Variants in SOS1 observed in about 807,000 individuals in gnomAD.
SOS1 encodes the protein SOS Ras/Rac guanine nucleotide exchange factor 1, also known as son of sevenless homolog 1.
A neutral mutation model predicts 157.6 loss-of-function variants in SOS1; 25 were observed. The observed-to-expected ratio is 0.16, with a 90% CI of 0.12 to 0.22. SOS1 has a LOEUF of 0.22. Among genes scored for constraint, SOS1 ranks in the 10% least tolerant of loss-of-function variants. SOS1 has a pLI of 1.00. For synonymous variants in SOS1, 528 were observed against 534.0 expected (o/e 0.99, Z 0.16); for missense variants, 1,237 against 1,599.1 (o/e 0.77, Z 3.86).
intron 2 of SOS1, among the ~76,000 whole-genome samples, chr2:39,066,410 T>G (rs1191262277): frequency 6.6e-6 from 1 of 152,234 alleles, no homozygotes; most frequent in Non-Finnish European, 1.5e-5. Flanking sequence ...CAAACGGTCC[T>G]TCATCATTGC....
chr2:39,065,888 A>G (rs981841122), intron 2 of SOS1, among the ~76,000 whole-genome samples: 1 of 152,234 alleles, frequency 6.6e-6, no homozygotes, highest in African/African-American at 2.4e-5. Flanking sequence ...TCTAGTAGGG[A>G]AAAAACTAAT....
At chr2:39,095,413 T>G (rs887807717) in intron 1 of SOS1, among the ~76,000 whole-genome samples, 7 of 152,174 alleles carry the variant, frequency 4.6e-5, no homozygotes, top group Admixed American at 3.3e-4. Flanking sequence ...GGAAAAGTCT[T>G]AGTGCAGAGA....
At chr2:38,992,547 T>A (rs1485522485) in intron 20 of SOS1, 1 of 152,248 alleles carries the variant, frequency 6.6e-6, no homozygotes, top group Non-Finnish European at 1.5e-5. Flanking sequence ...GAATGATTTC[T>A]TCTTCGCTGC....
Position 39,034,996 on chromosome 2 carries a change from C to A in SOS1, c.1074+216G>T, listed in dbSNP as rs1298441011. The A allele has an allele frequency of 5.7e-5, 35 of 618,534 alleles. No individual in the cohort carries two copies. In the East Asian group the frequency reaches 9.7e-4, roughly 17 times the overall value. 38.3% of individuals were successfully genotyped at this position (618,534 alleles called of 1,614,324 possible). On this transcript the variant is annotated intron_variant, in intron 8 of 22. Transcript: ENST00000402219. ...AATAAAAAAAAGAAAAAACAAAAAA[C>A]AAAAAAATTAAAAAACAACAAAAAT... is the stretch of plus-strand genomic sequence containing the variant.
chr2:39,077,814 T>A (rs1672067676), intron 1 of SOS1, among the ~76,000 whole-genome samples: 1 of 152,102 alleles, frequency 6.6e-6, no homozygotes, highest in African/African-American at 2.4e-5. Flanking sequence ...TGAAGATGGA[T>A]CAAGTACATA....
intron 15 of SOS1, chr2:39,007,558 A>C (rs1336396874): frequency 1.6e-5 from 3 of 190,576 alleles, no homozygotes; most frequent in African/African-American, 2.4e-5. Context: ...GTTGTGTTCT[A>C]TTCTTCATCT....
intron 8 of SOS1, among the ~76,000 whole-genome samples, chr2:39,025,516 ATT>A (rs200073263): frequency 4.7e-4 from 65 of 139,644 alleles, no homozygotes; most frequent in Non-Finnish European, 4.7e-4. Flanking sequence ...CACCTGACTG[ATT>A]TTTTTTTTTT....
intron 10 of SOS1, 33 bp from the exon 11 acceptor site, chr2:39,014,879 C>G (rs1309435195): frequency 9.3e-7 from 1 of 1,079,058 alleles, no homozygotes; most frequent in Non-Finnish European, 1.4e-6. Context: ...TCTTATTAAA[C>G]TCTATGATTC....
Position 39,106,991 on chromosome 2 carries a change from G to C in SOS1, c.87+13345C>G, listed in dbSNP as rs78525855. Among the ~76,000 whole-genome samples, 277 of 152,242 alleles carry C rather than the reference G, an allele frequency of 1.8e-3. 4 individuals are homozygous for C. The East Asian group carries it at 0.024, about 13-fold the overall frequency. On this transcript the variant is annotated intron_variant, in intron 1 of 22. Coordinates refer to ENST00000402219, the MANE Select transcript of SOS1 (RefSeq NM_005633.4). ...CATAAACATTGAATATGAATGCAAA[G>C]TTTATATGATTAGCTACTGAAGTAA...
Position 38,985,547 on chromosome 2 carries a change from C to T in SOS1, c.*277G>A. 2.4e-6 allele frequency: 1 copy of T among 413,168 alleles called. No individual in the cohort carries two copies. The highest frequency in any genetic ancestry group is 2.0e-5 in the African/African-American group (1 of 49,350). The allele number at this position is 413,168 out of a possible 1,614,324, so 25.6% of individuals were successfully genotyped here. A position where few individuals can be genotyped will look rare whatever the true frequency, so the allele number is the denominator to read the frequency against. ...AAAAGATCACTTCACAAAAAGAGGA[C>T]TCCTGCCTATTGGCCAGAAAAAGTC... On this transcript the variant is annotated 3_prime_UTR_variant, in exon 23 of 23. Transcript: ENST00000402219.
chr2:39,115,698 A>G lies in SOS1; in HGVS notation c.87+4638T>C, dbSNP rs1200298218. 4.6e-5 allele frequency among the ~76,000 whole-genome samples: 7 copies of G among 152,274 alleles called. No homozygotes were observed. In the South Asian group the frequency reaches 8.3e-4, roughly 18 times the overall value. ...AGTAATCCTCCCACTTTGGCCTCCT[A>G]AAGTGCTGGGATTACAGGTGTGAGC... On this transcript the variant is annotated intron_variant, in intron 1 of 22. Coordinates refer to ENST00000402219, the MANE Select transcript of SOS1 (RefSeq NM_005633.4).
At chr2:39,066,289 A>T (rs1671585365) in intron 2 of SOS1, among the ~76,000 whole-genome samples, 1 of 151,890 alleles carries the variant, frequency 6.6e-6, no homozygotes, top group Non-Finnish European at 1.5e-5. Flanking sequence ...ATCCATGAGG[A>T]AACACCATTC....
Position 39,010,688 on chromosome 2 carries a change from T to C in SOS1, c.2406A>G (p.Ser802=), listed in dbSNP as rs1429540851. The C allele has an allele frequency of 2.5e-6, 4 of 1,608,106 alleles. No individual in the cohort carries two copies. Among genetic ancestry groups the C allele is most frequent in the Non-Finnish European group, 3.4e-6 (4 of 1,174,574 alleles). Residue 802 remains serine, a synonymous_variant, in exon 15 of 23, where the codon TCA becomes TCG. Coordinates refer to ENST00000402219, the MANE Select transcript of SOS1 (RefSeq NM_005633.4). ...ESDLYRAVQP[S]ELVGSVWTKE... ...TTGTCCACACACTTCCAACTAATTC[T>C]GATGGCTGTACAGCTCTAAAATCAT...
rs992904011 is a variant in SOS1 at position 38,996,885 on chromosome 2, A to T, written c.3081+37T>A. 7 of 969,418 alleles carry T rather than the reference A, an allele frequency of 7.2e-6. No individual in the cohort carries two copies. The Admixed American group carries it at 1.0e-4, about 14-fold the overall frequency. The allele number at this position is 969,418 out of a possible 1,614,324, so 60.1% of individuals were successfully genotyped here. On this transcript the variant is annotated intron_variant, in intron 19 of 22. Coordinates refer to ENST00000402219, the MANE Select transcript of SOS1 (RefSeq NM_005633.4). ...TGGAAAACTATATAACACATATGGT[A>T]GTAATGACATCACCAGACAAATATA...
chr2:39,091,169 A>G (rs297139), intron 1 of SOS1, among the ~76,000 whole-genome samples: 142,213 of 152,254 alleles, frequency 0.93, 66,534 homozygotes, highest in African/African-American at 0.97. Context: ...AGGCCTGGCC[A>G]AGCATTTGGT....
intron 6 of SOS1, among the ~76,000 whole-genome samples, chr2:39,042,889 C>T (rs935932672): frequency 3.3e-5 from 5 of 151,822 alleles, no homozygotes; most frequent in African/African-American, 1.2e-4. Context: ...ATCTTTTATC[C>T]AATAGCTATA....
At chr2:39,100,076 C>T (rs1301012995) in intron 1 of SOS1, among the ~76,000 whole-genome samples, 1 of 152,144 alleles carries the variant, frequency 6.6e-6, no homozygotes, top group Non-Finnish European at 1.5e-5. Flanking sequence ...AAAAGGTACT[C>T]AACATCATTA....
chr2:39,115,934 G>A (rs535787329), intron 1 of SOS1, among the ~76,000 whole-genome samples: 12 of 151,414 alleles, frequency 7.9e-5, no homozygotes, highest in African/African-American at 2.4e-4. Context: ...TTCCAAATCT[G>A]CTTCATCAGA....
At chr2:39,116,837 G>A (rs918346456) in intron 1 of SOS1, among the ~76,000 whole-genome samples, 1 of 152,010 alleles carries the variant, frequency 6.6e-6, no homozygotes, top group Non-Finnish European at 1.5e-5. Context: ...TTAAGACTCT[G>A]TCTCAAAACA....
Sources: gnomAD v4.1 joint callset for allele counts (sites outside exome capture counted in the v4.1 genomes callset) on GRCh38, gnomAD v4.1.1 for gene constraint, MANE v1.5 for transcripts, NCBI Gene and HGNC (gene_info 2026-07-23, HGNC 2026-07-21) for gene names.